The following CIMAP1D variants were observed in gnomAD, a reference collection of about 807,000 sequenced individuals.
CIMAP1D encodes the protein CIMAP1 family member D, also known as protein CIMAP1D.
the CIMAP1D span, among the ~76,000 whole-genome samples, chr19:486,995 G>A: frequency 2.0e-3 from 310 of 152,038 alleles, 1 homozygote; most frequent in African/African-American, 7.4e-3. Flanking sequence ...CAAGTGATCC[G>A]CCCACCTCAG....
the CIMAP1D span, among the ~76,000 whole-genome samples, chr19:466,301 G>A: frequency 8.6e-4 from 60 of 70,106 alleles, no homozygotes; most frequent in East Asian, 1.9e-3. Flanking sequence ...ATGGATGAGT[G>A]GATGGATGGG....
At chr19:481,703 T>C in the CIMAP1D span, among the ~76,000 whole-genome samples, 6 of 151,454 alleles carry the variant, frequency 4.0e-5, no homozygotes, top group African/African-American at 1.2e-4. Flanking sequence ...ACCAAGCTCA[T>C]GGTGTAGCCA....
the CIMAP1D span, among the ~76,000 whole-genome samples, chr19:486,235 G>T: frequency 3.3e-5 from 5 of 152,250 alleles, no homozygotes; most frequent in African/African-American, 9.6e-5. Flanking sequence ...GTCCTAGTGG[G>T]CTCTGCTGTA....
the CIMAP1D span, among the ~76,000 whole-genome samples, chr19:484,978 G>A: frequency 2.0e-5 from 3 of 152,266 alleles, no homozygotes; most frequent in East Asian, 1.9e-4. Context: ...TGGGCACCAC[G>A]GGGCCTGGGC....
the CIMAP1D span, chr19:489,995 C>T: frequency 1.8e-5 from 7 of 398,414 alleles, no homozygotes; most frequent in African/African-American, 1.0e-4. Context: ...GCGGGAGCCC[C>T]ACGTCCGGCG....
the CIMAP1D span, among the ~76,000 whole-genome samples, chr19:477,074 G>A: frequency 1.1e-4 from 16 of 152,150 alleles, no homozygotes; most frequent in Non-Finnish European, 2.9e-5. Context: ...AGGAGTGGTG[G>A]TGTGTGCCTG....
At chr19:475,629 G>A in the CIMAP1D span, among the ~76,000 whole-genome samples, 8 of 152,154 alleles carry the variant, frequency 5.3e-5, no homozygotes, top group South Asian at 2.1e-4. Context: ...AGATGCCTCC[G>A]AGATTTAAAC....
the CIMAP1D span, among the ~76,000 whole-genome samples, chr19:489,021 C>G: frequency 1.9e-4 from 29 of 152,094 alleles, no homozygotes; most frequent in Non-Finnish European, 3.8e-4. Context: ...CTAGAGCGGC[C>G]CCGCCAGCGC....
At chr19:481,265 A>ACGATGATAGAGAAG in the CIMAP1D span, among the ~76,000 whole-genome samples, 1 of 128,502 alleles carries the variant, frequency 7.8e-6, no homozygotes, top group African/African-American at 3.0e-5. Context: ...TGATGGGAAA[A>ACGATGATAGAGAAG]GATGATGGGA....
At chr19:491,472 G>C in the CIMAP1D span, among the ~76,000 whole-genome samples, 2 of 152,092 alleles carry the variant, frequency 1.3e-5, no homozygotes, top group Non-Finnish European at 2.9e-5. Flanking sequence ...CTCCTGGCTG[G>C]GCCCCCGTCT....
the CIMAP1D span, chr19:463,673 A>G: frequency 3.1e-6 from 3 of 961,194 alleles, no homozygotes; most frequent in East Asian, 8.0e-5. Flanking sequence ...CATGGGTCAC[A>G]GCCCCCAGGG....
At chr19:464,109 G>C in the CIMAP1D span, 1 of 1,254,722 alleles carries the variant, frequency 8.0e-7, no homozygotes, top group Non-Finnish European at 1.0e-6. Flanking sequence ...GCCCGGGCCT[G>C]GTATCTCAGC....
the CIMAP1D span, among the ~76,000 whole-genome samples, chr19:476,273 T>C: frequency 6.6e-6 from 1 of 152,210 alleles, no homozygotes. Context: ...CAGGATGGCC[T>C]CAATCTCTTG....
chr19:490,143 G>A, the CIMAP1D span: 1 of 383,840 alleles, frequency 2.6e-6, no homozygotes, highest in Non-Finnish European at 4.6e-6. Flanking sequence ...ATCACCTGAG[G>A]TCAGGAGTTT....
At chr19:481,970 C>A in the CIMAP1D span, among the ~76,000 whole-genome samples, 2 of 151,824 alleles carry the variant, frequency 1.3e-5, no homozygotes, top group East Asian at 3.9e-4. Context: ...GAGATGGGAT[C>A]TTGCTATGTT....
chr19:489,945 C>T, the CIMAP1D span: 63 of 397,806 alleles, frequency 1.6e-4, no homozygotes, highest in African/African-American at 1.2e-3. Flanking sequence ...GGCCCCTGCC[C>T]GGTGCTGAGA....
chr19:463,485 G>C, the CIMAP1D span: 1 of 340,398 alleles, frequency 2.9e-6, no homozygotes, highest in Non-Finnish European at 5.4e-6. Flanking sequence ...CTGTGATGGG[G>C]ATCCAGGCCC....
chr19:473,887 T>C, the CIMAP1D span, among the ~76,000 whole-genome samples: 1 of 141,260 alleles, frequency 7.1e-6, no homozygotes, highest in Non-Finnish European at 1.5e-5. Flanking sequence ...CAGGCAGAGA[T>C]ACACGGTCAC....
the CIMAP1D span, chr19:472,534 G>T: frequency 1.4e-6 from 2 of 1,444,614 alleles, no homozygotes; most frequent in Non-Finnish European, 1.9e-6. Flanking sequence ...CACCTCCTGG[G>T]CCCAGATTCC....
Sources: allele counts gnomAD v4.1 joint callset (sites outside exome capture counted in the v4.1 genomes callset), GRCh38; gene constraint gnomAD v4.1.1; transcripts MANE v1.5; gene names NCBI Gene and HGNC (gene_info 2026-07-23, HGNC 2026-07-21).